Variants in MYO3A observed in about 807,000 individuals in gnomAD.
MYO3A encodes myosin IIIA.
Under a neutral mutation model 192.7 loss-of-function variants are expected in MYO3A, and 180 were observed. The observed-to-expected ratio is 0.93, with a 90% CI of 0.83 to 1.06. The LOEUF (loss-of-function observed/expected upper bound fraction) is 1.06, where lower values mean the gene tolerates loss of function less well. MYO3A is among the 50% of genes least tolerant of loss of function. The pLI is 0.00. For synonymous variants in MYO3A, 628 were observed against 645.3 expected (o/e 0.97, Z 0.41); for missense variants, 1,896 against 1,905.0 (o/e 1.00, Z 0.09).
intron 14 of MYO3A, among the ~76,000 whole-genome samples, chr10:26,075,635 CAT>C (rs1229434151): frequency 1.4e-5 from 2 of 144,158 alleles, no homozygotes; most frequent in Non-Finnish European, 3.0e-5. Context: ...ATATGTCTCT[CAT>C]ATATGATATA....
intron 14 of MYO3A, among the ~76,000 whole-genome samples, chr10:26,087,988 A>G (rs1219861695): frequency 2.0e-5 from 3 of 152,202 alleles, no homozygotes; most frequent in African/African-American, 7.2e-5. Flanking sequence ...ATAGAAAAGT[A>G]TAGAATATCT....
chr10:26,201,235 A>G lies in MYO3A; in HGVS notation c.4546-30A>G, dbSNP rs368674587. 561 of 1,326,298 alleles carry G rather than the reference A, an allele frequency of 4.2e-4. No individual in the cohort carries two copies. The African/African-American group carries it at 7.4e-3, about 18-fold the overall frequency. The allele number at this position is 1,326,298 out of a possible 1,614,324, so 82.2% of individuals were successfully genotyped here. A position where few individuals can be genotyped will look rare whatever the true frequency, so the allele number is the denominator to read the frequency against. Reference sequence around the variant, plus strand: ...CATTATATTAAGATCATAATATTATATAGATCTTTTGAATTCTTCTTTCCT... The same window carrying G: ...CATTATATTAAGATCATAATATTATGTAGATCTTTTGAATTCTTCTTTCCT... On this transcript the variant is annotated intron_variant, in intron 32 of 34. Transcript: ENST00000642920.
intron 11 of MYO3A, among the ~76,000 whole-genome samples, chr10:26,067,673 A>G (rs960098536): frequency 6.9e-5 from 8 of 115,528 alleles, no homozygotes; most frequent in African/African-American, 2.2e-4. Flanking sequence ...TCTCAGAAGT[A>G]TTTCAAACAT....
chr10:26,126,488 T>C (rs1366669484), intron 19 of MYO3A, among the ~76,000 whole-genome samples: 1 of 152,198 alleles, frequency 6.6e-6, no homozygotes, highest in Non-Finnish European at 1.5e-5. Flanking sequence ...TATTTCTCCA[T>C]GTTCTTAACT....
At chr10:26,101,773 G>T (rs940509091) in intron 17 of MYO3A, among the ~76,000 whole-genome samples, 12 of 152,224 alleles carry the variant, frequency 7.9e-5, no homozygotes, top group Non-Finnish European at 1.6e-4. Context: ...TCCGCTGTTA[G>T]TCTGATGGAC....
At chr10:26,005,622 C>T (rs1841145635) in intron 6 of MYO3A, among the ~76,000 whole-genome samples, 1 of 151,906 alleles carries the variant, frequency 6.6e-6, no homozygotes, top group African/African-American at 2.4e-5. Flanking sequence ...TCAGATGGTT[C>T]AGGAATAAAA....
chr10:26,156,762 G>T (rs1273403616), intron 25 of MYO3A, among the ~76,000 whole-genome samples: 1 of 152,082 alleles, frequency 6.6e-6, no homozygotes, highest in Non-Finnish European at 1.5e-5. Context: ...GTGTCATGGA[G>T]GTTTGTTGAA....
chr10:26,078,927 T>C (rs1046133902), intron 14 of MYO3A, among the ~76,000 whole-genome samples: 1 of 152,208 alleles, frequency 6.6e-6, no homozygotes, highest in Non-Finnish European at 1.5e-5. Context: ...TTTTATAGCC[T>C]ATCATATGGT....
At chr10:26,102,472 G>C (rs1210408795) in intron 17 of MYO3A, among the ~76,000 whole-genome samples, 1 of 152,180 alleles carries the variant, frequency 6.6e-6, no homozygotes, top group East Asian at 1.9e-4. Flanking sequence ...GAGGAGAAGT[G>C]GCCCTCTGAT....
chr10:26,038,628 G>T (rs545996850), intron 10 of MYO3A, among the ~76,000 whole-genome samples: 1 of 152,262 alleles, frequency 6.6e-6, no homozygotes, highest in African/African-American at 2.4e-5. Context: ...CATATCCTCT[G>T]CAAACAAGGA....
chr10:26,165,332 C>T (rs1234046762), intron 26 of MYO3A, among the ~76,000 whole-genome samples: 1 of 152,140 alleles, frequency 6.6e-6, no homozygotes, highest in Non-Finnish European at 1.5e-5. Flanking sequence ...GCTAATCTTG[C>T]ACCAATAAAT....
At position 26,173,884 on chromosome 10, in the gene MYO3A, T is replaced by C. The variant is rs918577421; in HGVS notation, c.3620T>C (p.Val1207Ala). The change falls in exon 30 of 35, where the codon GTA becomes GCA. Residue 1207 changes from valine (V) to alanine (A), a missense_variant. Coordinates refer to ENST00000642920, the MANE Select transcript of MYO3A (RefSeq NM_017433.5). ...GAGGTTAAGCAAGAATTCTACCTTG[T>C]AGGGCCAGAAGTAAGCCCCAAACAG... Reference protein sequence around the residue: ...EEEVKQEFYLVGPEVSPKQKS... With the variant: ...EEEVKQEFYLAGPEVSPKQKS... The C allele has an allele frequency of 6.2e-7, 1 of 1,614,022 alleles. No homozygotes were observed. The highest frequency in any genetic ancestry group is 8.5e-7 in the Non-Finnish European group (1 of 1,180,032).
Position 26,166,074 on chromosome 10 carries a change from C to G in MYO3A, c.3007C>G (p.Leu1003Val), listed in dbSNP as rs776675167. ...LFANFIKRYYLLCYKSSEEPR... is the reference protein window; with the variant it reads ...LFANFIKRYYVLCYKSSEEPR... ...CCTTTTTTCCATTCCAAGGTACTAC[C>G]TTCTCTGCTACAAGTCGAGCGAGGA... The change falls in exon 27 of 35, where the codon CTT becomes GTT. Residue 1003 changes from leucine (L) to valine (V), a missense_variant. Physicochemically the swap from Leu to Val is conservative, Grantham distance 32 (BLOSUM62 1). Coordinates refer to ENST00000642920, the MANE Select transcript of MYO3A (RefSeq NM_017433.5). The G allele has an allele frequency of 1.9e-6, 3 of 1,613,918 alleles. No individual in the cohort carries two copies. The highest frequency in any genetic ancestry group is 8.5e-7 in the Non-Finnish European group (1 of 1,179,922).
intron 31 of MYO3A, among the ~76,000 whole-genome samples, chr10:26,184,157 A>T (rs1429621620): frequency 6.6e-6 from 1 of 152,224 alleles, no homozygotes; most frequent in Non-Finnish European, 1.5e-5. Context: ...ATAAGCTCAG[A>T]ACTGTGTGCA....
intron 10 of MYO3A, among the ~76,000 whole-genome samples, chr10:26,052,818 G>A (rs1271166102): frequency 1.3e-5 from 2 of 148,722 alleles, no homozygotes; most frequent in African/African-American, 2.5e-5. Context: ...TTAACATCAG[G>A]CAACAATAGT....
rs1838815318 is a variant in MYO3A at position 26,120,786 on chromosome 10, T to G, written c.1887T>G (p.His629Gln). 6.2e-7 allele frequency: 1 copy of G among 1,614,084 alleles called. No individual in the cohort carries two copies. Among genetic ancestry groups the G allele is most frequent in the East Asian group, 2.2e-5 (1 of 44,850 alleles). The change falls in exon 18 of 35, where the codon CAT becomes CAG. Residue 629 changes from histidine (H) to glutamine (Q), a missense_variant. By Grantham distance (24) the His-to-Gln change is conservative. Coordinates refer to ENST00000642920, the MANE Select transcript of MYO3A (RefSeq NM_017433.5). Reference protein sequence around the residue: ...HQIDKSHISNHTALENCASLL... With the variant: ...HQIDKSHISNQTALENCASLL... The stretch of plus-strand genomic sequence containing the variant: ...TTGACAAGAGCCACATTTCTAATCA[T>G]ACAGCCCTGGAGAACTGTAAGTTTT...
intron 14 of MYO3A, among the ~76,000 whole-genome samples, chr10:26,081,128 G>GCCCTTCCCCCC (rs1473594619): frequency 4.6e-5 from 4 of 87,682 alleles, no homozygotes; most frequent in African/African-American, 1.8e-4. Context: ...AAGATTATAT[G>GCCCTTCCCCCC]CCCTTCCCCC....
At chr10:26,203,798 C>G (rs1028690875) in intron 34 of MYO3A, among the ~76,000 whole-genome samples, 2 of 152,148 alleles carry the variant, frequency 1.3e-5, no homozygotes, top group African/African-American at 4.8e-5. Context: ...ATCTAGGGTC[C>G]TCAGAACCCT....
intron 10 of MYO3A, among the ~76,000 whole-genome samples, chr10:26,049,438 T>A (rs879238941): frequency 6.6e-6 from 1 of 152,004 alleles, no homozygotes; most frequent in Admixed American, 6.6e-5. Flanking sequence ...GGATAGGGGA[T>A]CAAAGGAGAT....
Sources: allele counts gnomAD v4.1 joint callset (sites outside exome capture counted in the v4.1 genomes callset), GRCh38; gene constraint gnomAD v4.1.1; transcripts MANE v1.5; gene names NCBI Gene and HGNC (gene_info 2026-07-23, HGNC 2026-07-21).